Variants in ZBTB20 observed in about 807,000 individuals in gnomAD.
ZBTB20 encodes zinc finger and BTB domain containing 20.
ZBTB20 carries 9 observed loss-of-function variants against 56.9 expected under a neutral mutation model. The observed-to-expected ratio is 0.16, with a 90% CI of 0.10 to 0.28. The LOEUF is 0.28. Among genes scored for constraint, ZBTB20 ranks in the 10% least tolerant of loss-of-function variants. The pLI, the probability that ZBTB20 is intolerant of heterozygous loss-of-function variation, is 1.00. For missense variants in ZBTB20, 655 were observed against 1,003.0 expected (o/e 0.65, Z 4.69); for synonymous variants, 417 against 420.7 (o/e 0.99, Z 0.11).
Position 114,350,685 on chromosome 3 carries a change from A to G in ZBTB20, c.1393T>C (p.Ser465Pro). The G allele has an allele frequency of 1.2e-6, 2 of 1,614,124 alleles. No individual in the cohort carries two copies. The highest frequency in any genetic ancestry group is 1.7e-6 in the Non-Finnish European group (2 of 1,180,020). ...SVLQQPSVNT[S>P]IGQPLPSTQL... ...GTACTTGGCAATGGCTGCCCGATGG[A>G]CGTGTTGACCGAAGGCTGTTGTAGG... is the stretch of plus-strand genomic sequence containing the variant. Residue 465 changes from serine (S) to proline (P), a missense_variant, in exon 11 of 12, where the codon TCC (serine) becomes CCC (proline). Ser to Pro is a moderately conservative substitution (Grantham distance 74). Transcript: ENST00000675478.
intron 6 of ZBTB20, among the ~76,000 whole-genome samples, chr3:114,571,286 T>C (rs138070101): frequency 1.2e-3 from 184 of 152,322 alleles, no homozygotes; most frequent in African/African-American, 4.2e-3. Context: ...CTAAGTTCTA[T>C]AGATAGCAAT....
intron 1 of ZBTB20, among the ~76,000 whole-genome samples, chr3:115,073,830 T>C (rs1008676597): frequency 1.7e-4 from 1 of 5,774 alleles, no homozygotes; most frequent in Non-Finnish European, 2.5e-3. Flanking sequence ...AACTTAATTC[T>C]AGTAAACTAA....
intron 6 of ZBTB20, among the ~76,000 whole-genome samples, chr3:114,640,881 T>C (rs1021862321): frequency 6.6e-6 from 1 of 150,610 alleles, no homozygotes; most frequent in African/African-American, 2.4e-5. Flanking sequence ...TTTTAGGTCA[T>C]TTTTTTTTAG....
intron 1 of ZBTB20, among the ~76,000 whole-genome samples, chr3:115,140,015 T>C (rs926817642): frequency 1.3e-5 from 2 of 152,086 alleles, no homozygotes; most frequent in Non-Finnish European, 2.9e-5. Context: ...GTATTTTACA[T>C]ATACTGTTTC....
intron 6 of ZBTB20, among the ~76,000 whole-genome samples, chr3:114,641,077 T>A (rs1371984947): frequency 6.6e-6 from 1 of 152,078 alleles, no homozygotes; most frequent in Non-Finnish European, 1.5e-5. Flanking sequence ...TTTAAAAACA[T>A]TTTAAAAACC....
chr3:115,032,993 G>A (rs1420415338), intron 2 of ZBTB20, among the ~76,000 whole-genome samples: 2 of 136,378 alleles, frequency 1.5e-5, no homozygotes, highest in Non-Finnish European at 3.2e-5. Context: ...TAAACCCACA[G>A]CTAGCAGAAG....
At chr3:114,578,746 T>C (rs950867939) in intron 6 of ZBTB20, among the ~76,000 whole-genome samples, 1 of 151,874 alleles carries the variant, frequency 6.6e-6, no homozygotes, top group Middle Eastern at 3.4e-3. Flanking sequence ...CATTTTTAGT[T>C]ATATGAAATA....
chr3:114,881,381 G>A (rs948964386), intron 4 of ZBTB20, among the ~76,000 whole-genome samples: 4 of 151,910 alleles, frequency 2.6e-5, no homozygotes, highest in Non-Finnish European at 4.4e-5. Flanking sequence ...ATTGTGTCCC[G>A]CTTAAATTAC....
intron 1 of ZBTB20, among the ~76,000 whole-genome samples, chr3:115,124,176 T>TA (rs1246376398): frequency 6.6e-6 from 1 of 152,226 alleles, no homozygotes; most frequent in Non-Finnish European, 1.5e-5. Flanking sequence ...ACAAAGTTGC[T>TA]AAAAAGTAAT....
chr3:115,105,145 T>G (rs1435100303), intron 1 of ZBTB20, among the ~76,000 whole-genome samples: 1 of 152,212 alleles, frequency 6.6e-6, no homozygotes, highest in African/African-American at 2.4e-5. Context: ...CTTCCTATGC[T>G]AAAAATAACA....
intron 3 of ZBTB20, among the ~76,000 whole-genome samples, chr3:114,914,372 A>T (rs1000766274): frequency 2.0e-5 from 3 of 151,902 alleles, no homozygotes; most frequent in Non-Finnish European, 2.9e-5. Flanking sequence ...TCTTTTTCAG[A>T]TTATTCACCA....
chr3:115,099,634 AC>A (rs2083505908), intron 1 of ZBTB20, among the ~76,000 whole-genome samples: 1 of 152,212 alleles, frequency 6.6e-6, no homozygotes, highest in South Asian at 2.1e-4. Context: ...AAAGTATTCA[AC>A]CTGCTTCAAG....
chr3:115,081,586 A>T (rs887703661), intron 1 of ZBTB20, among the ~76,000 whole-genome samples: 3 of 152,152 alleles, frequency 2.0e-5, no homozygotes, highest in African/African-American at 7.2e-5. Flanking sequence ...AATAATAATA[A>T]TGCAAATGTA....
At chr3:114,490,865 C>CA (rs1255545538) in intron 7 of ZBTB20, among the ~76,000 whole-genome samples, 1 of 152,056 alleles carries the variant, frequency 6.6e-6, no homozygotes, top group Non-Finnish European at 1.5e-5. Context: ...AACACAAAAA[C>CA]AAACTGGGTA....
chr3:115,022,505 T>C (rs1023736114), intron 2 of ZBTB20, among the ~76,000 whole-genome samples: 1 of 151,032 alleles, frequency 6.6e-6, no homozygotes, highest in Non-Finnish European at 1.5e-5. Context: ...TTTTTAGAAA[T>C]AGTCAAGAGT....
chr3:114,637,008 A>G (rs1239501880), intron 6 of ZBTB20, among the ~76,000 whole-genome samples: 1 of 152,092 alleles, frequency 6.6e-6, no homozygotes, highest in Non-Finnish European at 1.5e-5. Flanking sequence ...TTCCAAGCAA[A>G]CGATAACCAA....
Position 114,323,035 on chromosome 3 carries a change from A to G in ZBTB20, c.*15970T>C, listed in dbSNP as rs2108006548. On this transcript the variant is annotated 3_prime_UTR_variant, in exon 12 of 12. Coordinates refer to ENST00000675478, the MANE Select transcript of ZBTB20 (RefSeq NM_001348800.3). ...TCAAAACTGTCACTTTGAGTTCCAG[A>G]AGAGTCCTTCAGCATCTTTACTCTT... 1 of 152,306 alleles carries G rather than the reference A, an allele frequency of 6.6e-6. No homozygotes were observed. The highest frequency in any genetic ancestry group is 1.9e-4 in the East Asian group (1 of 5,182). The allele number at this position is 152,306 out of a possible 1,614,324, so 9.4% of individuals were successfully genotyped here.
rs4682534 is a variant in ZBTB20 at position 114,315,251 on chromosome 3, C to T, written c.*23754G>A. ...GCAAAGATTGGAGGGTATAACACTG[C>T]AGTCATTCAGCCCAGGTTCCTCTTA... On this transcript the variant is annotated 3_prime_UTR_variant, in exon 12 of 12. Transcript: ENST00000675478. 0.9 allele frequency: 137,667 copies of T among 152,210 alleles called. 62,719 individuals are homozygous for T. The highest frequency in any genetic ancestry group is 0.99 in the East Asian group (5,136 of 5,170). The allele number at this position is 152,210 out of a possible 1,614,324, so 9.4% of individuals were successfully genotyped here. A position where few individuals can be genotyped will look rare whatever the true frequency, so the allele number is the denominator to read the frequency against.
intron 4 of ZBTB20, among the ~76,000 whole-genome samples, chr3:114,851,703 C>T (rs1370478289): frequency 1.3e-5 from 2 of 151,870 alleles, no homozygotes; most frequent in African/African-American, 2.4e-5. Flanking sequence ...TTCCTTGTTT[C>T]TACTTTGCAG....
Sources: gnomAD v4.1 joint callset for allele counts (sites outside exome capture counted in the v4.1 genomes callset) on GRCh38, gnomAD v4.1.1 for gene constraint, MANE v1.5 for transcripts, NCBI Gene and HGNC (gene_info 2026-07-23, HGNC 2026-07-21) for gene names.